The following PHLDB2 variants were observed in gnomAD, a reference collection of about 807,000 sequenced individuals.
PHLDB2 encodes pleckstrin homology like domain family B member 2, also known as pleckstrin homology-like domain family B member 2.
PHLDB2 carries 71 observed loss-of-function variants against 123.6 expected under a neutral mutation model. The ratio of observed to expected loss-of-function variants is 0.57; its 90% CI spans 0.47 to 0.70. The LOEUF (loss-of-function observed/expected upper bound fraction) is 0.70, where lower values mean the gene tolerates loss of function less well. Ranked by LOEUF, PHLDB2 falls within the 30% of genes least tolerant of loss-of-function variation. The pLI is 0.00. For synonymous variants in PHLDB2, 547 were observed against 541.6 expected (o/e 1.01, Z -0.14); for missense variants, 1,446 against 1,519.5 (o/e 0.95, Z 0.80).
chr3:111,867,700 AT>A (rs762355899), intron 1 of PHLDB2, among the ~76,000 whole-genome samples: 6 of 151,732 alleles, frequency 4.0e-5, no homozygotes, highest in Non-Finnish European at 7.4e-5. Context: ...TCTTTTTTTA[AT>A]TTTAATTTTT....
rs3082325 is a variant in PHLDB2 at position 111,904,277 on chromosome 3, C to CAAAAAAAAAAAAAAAA, written c.1336-9030_1336-9029insAAAAAAAAAAAAAAAA. Reference sequence around the variant, plus strand: ...TGGGTGACAGAGTGAGACCCTGTCTCAAAAAAAAAAAAGGCCAAGGGTTCT... The same window carrying CAAAAAAAAAAAAAAAA: ...TGGGTGACAGAGTGAGACCCTGTCTCAAAAAAAAAAAAAAAAAAAAAAAAAAAAGGCCAAGGGTTCT... On this transcript the variant is annotated intron_variant, in intron 2 of 17. Coordinates refer to ENST00000431670, the MANE Select transcript of PHLDB2 (RefSeq NM_001134438.2). Among the ~76,000 whole-genome samples the CAAAAAAAAAAAAAAAA allele has an allele frequency of 3.8e-4, 33 of 86,740 alleles. 1 individual carries two copies. The highest frequency in any genetic ancestry group is 1.2e-3 in the African/African-American group (28 of 24,254). The allele number at this position is 86,740 out of a possible 152,430, so 56.9% of individuals were successfully genotyped here. A position where few individuals can be genotyped will look rare whatever the true frequency, so the allele number is the denominator to read the frequency against.
At chr3:111,804,421 A>G (rs969636267) in intron 1 of PHLDB2, among the ~76,000 whole-genome samples, 1 of 152,212 alleles carries the variant, frequency 6.6e-6, no homozygotes, top group African/African-American at 2.4e-5. Flanking sequence ...TTGATTTCCT[A>G]TGTTTAGCCA....
chr3:111,776,691 A>T (rs767430350), intron 1 of PHLDB2, among the ~76,000 whole-genome samples: 9 of 152,168 alleles, frequency 5.9e-5, no homozygotes, highest in Non-Finnish European at 1.3e-4. Context: ...CCAAGGAGTT[A>T]CAGTTCCCCC....
intron 1 of PHLDB2, among the ~76,000 whole-genome samples, chr3:111,746,315 A>T (rs2059682056): frequency 6.6e-6 from 1 of 152,196 alleles, no homozygotes; most frequent in Admixed American, 6.5e-5. Flanking sequence ...AAATGCTGAG[A>T]CCTAATCCTG....
Position 111,969,987 on chromosome 3 carries a change from G to A in PHLDB2, c.3535+78G>A, listed in dbSNP as rs565876161. 7 of 1,329,900 alleles carry A rather than the reference G, an allele frequency of 5.3e-6. No homozygotes were observed. In the South Asian group the frequency reaches 6.1e-5, roughly 12 times the overall value. 82.4% of individuals were successfully genotyped at this position (1,329,900 alleles called of 1,614,324 possible). On this transcript the variant is annotated intron_variant, in intron 16 of 17. Coordinates refer to ENST00000431670, the MANE Select transcript of PHLDB2 (RefSeq NM_001134438.2). ...AAAGAGCAAAGGCAATTGAAATTCA[G>A]TGTAAATAGGTAGGTTGATACATAA...
At chr3:111,837,099 G>A (rs3925082) in intron 1 of PHLDB2, among the ~76,000 whole-genome samples, 22,923 of 152,096 alleles carry the variant, frequency 0.15, 1,909 homozygotes, top group Admixed American at 0.18. Context: ...TTATAACATT[G>A]TTATAGTAAT....
intron 1 of PHLDB2, among the ~76,000 whole-genome samples, chr3:111,873,937 G>A (rs984644901): frequency 2.0e-5 from 3 of 152,140 alleles, no homozygotes; most frequent in African/African-American, 7.2e-5. Context: ...AGAAATACAC[G>A]ATTATTAAAT....
At chr3:111,770,749 A>G (rs2060162057) in intron 1 of PHLDB2, among the ~76,000 whole-genome samples, 1 of 152,228 alleles carries the variant, frequency 6.6e-6, no homozygotes, top group South Asian at 2.1e-4. Context: ...CACCAAAAGT[A>G]AAAATCTTAC....
At chr3:111,908,077 G>A (rs531062380) in intron 2 of PHLDB2, among the ~76,000 whole-genome samples, 9 of 152,240 alleles carry the variant, frequency 5.9e-5, no homozygotes, top group African/African-American at 2.2e-4. Flanking sequence ...CTCCAGCTTG[G>A]CTGATAACCC....
At chr3:111,746,495 G>A (rs1385633863) in intron 1 of PHLDB2, among the ~76,000 whole-genome samples, 1 of 152,182 alleles carries the variant, frequency 6.6e-6, no homozygotes, top group Non-Finnish European at 1.5e-5. Context: ...GGGTACAGTG[G>A]CTCACACCTG....
intron 2 of PHLDB2, among the ~76,000 whole-genome samples, chr3:111,909,243 C>T (rs1033505798): frequency 6.6e-6 from 1 of 152,128 alleles, no homozygotes; most frequent in Non-Finnish European, 1.5e-5. Context: ...CATAGGTGGT[C>T]TATAAACTTC....
chr3:111,829,972 A>ACACACACAC (rs2062864080), intron 1 of PHLDB2, among the ~76,000 whole-genome samples: 4 of 146,854 alleles, frequency 2.7e-5, no homozygotes, highest in Admixed American at 6.8e-5. Flanking sequence ...ACACACACAC[A>ACACACACAC]GCAAAACCAA....
intron 1 of PHLDB2, among the ~76,000 whole-genome samples, chr3:111,840,358 A>C (rs547929140): frequency 1.3e-5 from 2 of 152,336 alleles, no homozygotes; most frequent in East Asian, 3.9e-4. Flanking sequence ...TATAGTATTT[A>C]AATTAATAGA....
intron 2 of PHLDB2, among the ~76,000 whole-genome samples, chr3:111,900,464 CT>C (rs765786928): frequency 6.6e-6 from 1 of 152,054 alleles, no homozygotes; most frequent in Non-Finnish European, 1.5e-5. Flanking sequence ...AATATTGTGT[CT>C]TAGGGAATGG....
At chr3:111,738,715 T>A (rs1007949315) in intron 1 of PHLDB2, among the ~76,000 whole-genome samples, 1 of 152,152 alleles carries the variant, frequency 6.6e-6, no homozygotes. Context: ...AAGAAGATAA[T>A]GGGTTCTCAG....
intron 1 of PHLDB2, among the ~76,000 whole-genome samples, chr3:111,759,077 A>G (rs2059950291): frequency 6.6e-6 from 1 of 152,228 alleles, no homozygotes; most frequent in Non-Finnish European, 1.5e-5. Context: ...TGATTAGAGT[A>G]AAAATGTAAT....
intron 1 of PHLDB2, among the ~76,000 whole-genome samples, chr3:111,791,678 C>T (rs553868149): frequency 2.6e-5 from 4 of 151,890 alleles, no homozygotes; most frequent in Admixed American, 2.6e-4. Context: ...TTTTTACATT[C>T]TAAATTTCGT....
In PHLDB2 at chr3:111,741,044, C is replaced by A. The variant is rs542295839; in HGVS notation, c.-49+8341C>A. On this transcript the variant is annotated intron_variant, in intron 1 of 17. Coordinates refer to the PHLDB2 transcript ENST00000393923. Reference sequence around the variant, plus strand: ...GCTAACCACCAAGTACCAGCTGGCACCTTTACAAGTTCTCCAATCAGTGAG... The same window carrying A: ...GCTAACCACCAAGTACCAGCTGGCAACTTTACAAGTTCTCCAATCAGTGAG... Among the ~76,000 whole-genome samples, 113 of 152,240 alleles carry A rather than the reference C, an allele frequency of 7.4e-4. 1 individual carries two copies. Among genetic ancestry groups the A allele is most frequent in the African/African-American group, 2.6e-3 (110 of 41,540 alleles).
chr3:111,821,299 T>C (rs1576736460), intron 1 of PHLDB2, among the ~76,000 whole-genome samples: 1 of 152,178 alleles, frequency 6.6e-6, no homozygotes, highest in African/African-American at 2.4e-5. Flanking sequence ...CTGTGGAGAA[T>C]ATGTGATGCG....
Sources: gnomAD v4.1 joint callset for allele counts (sites outside exome capture counted in the v4.1 genomes callset) on GRCh38, gnomAD v4.1.1 for gene constraint, MANE v1.5 for transcripts, NCBI Gene and HGNC (gene_info 2026-07-23, HGNC 2026-07-21) for gene names.